JPH1: variants seen among roughly 807,000 people sequenced by gnomAD.
The protein encoded by JPH1 is junctophilin-1.
JPH1 carries 12 observed loss-of-function variants against 53.6 expected under a neutral mutation model. That is an observed-to-expected ratio of 0.22 (90% CI 0.14 to 0.36). JPH1 has a LOEUF of 0.36. Ranked by LOEUF, JPH1 falls within the 10% of genes least tolerant of loss-of-function variation. The pLI is 1.00. For synonymous variants in JPH1, 375 were observed against 363.8 expected (o/e 1.03, Z -0.35); for missense variants, 808 against 905.5 (o/e 0.89, Z 1.38).
intron 2 of JPH1, among the ~76,000 whole-genome samples, chr8:74,304,305 G>A (rs1317797804): frequency 6.6e-6 from 1 of 152,200 alleles, no homozygotes; most frequent in East Asian, 1.9e-4. Context: ...AAGAACTGAA[G>A]CTTATAAAAT....
In JPH1 at chr8:74,294,176, CTAGGGCCTGGGGACTTCTCTG is replaced by C. The variant is rs1181355045; in HGVS notation, c.1139+20664_1139+20684del. On this transcript the variant is annotated intron_variant, in intron 2 of 5. Transcript: ENST00000342232. The stretch of plus-strand genomic sequence containing the variant: ...GCAATTATGTGAATGTGCTCTACAG[CTAGGGCCTGGGGACTTCTCTG>C]TAGCCTGATTTCTTCTCATTGAAGA... Among the ~76,000 whole-genome samples the C allele has an allele frequency of 3.3e-5, 5 of 152,322 alleles. No homozygotes were observed. In the East Asian group the frequency reaches 7.7e-4, roughly 23 times the overall value.
intron 2 of JPH1, among the ~76,000 whole-genome samples, chr8:74,291,035 A>C (rs1472017738): frequency 3.9e-5 from 6 of 152,228 alleles, no homozygotes; most frequent in Admixed American, 3.3e-4. Context: ...ACCCTAGAAG[A>C]AAACCTAGGC....
chr8:74,297,548 T>C (rs1177406543), intron 2 of JPH1, among the ~76,000 whole-genome samples: 1 of 151,876 alleles, frequency 6.6e-6, no homozygotes, highest in African/African-American at 2.4e-5. Flanking sequence ...GCAGTTAAAA[T>C]GCCTAGTAAT....
Position 74,311,071 on chromosome 8 carries a change from G to A in JPH1, c.1139+3790C>T, listed in dbSNP as rs747498645. On this transcript the variant is annotated intron_variant, in intron 2 of 5. Transcript: ENST00000342232. ...CTCCTGAGTAGCTGGGACTACAGGC[G>A]TATGCCACCACACCCGGCTAATTTT... is the stretch of plus-strand genomic sequence containing the variant. Among the ~76,000 whole-genome samples, 7 of 152,152 alleles carry A rather than the reference G, an allele frequency of 4.6e-5. No individual in the cohort carries two copies. In the East Asian group the frequency reaches 5.8e-4, roughly 13 times the overall value.
chr8:74,302,755 C>G (rs1407155016), intron 2 of JPH1, among the ~76,000 whole-genome samples: 1 of 152,126 alleles, frequency 6.6e-6, no homozygotes. Context: ...CCTCATAGCA[C>G]CTGCCAGTTG....
chr8:74,261,779 A>G (rs1453624529), intron 2 of JPH1, among the ~76,000 whole-genome samples: 2 of 152,258 alleles, frequency 1.3e-5, no homozygotes, highest in Admixed American at 1.3e-4. Flanking sequence ...TAATGAAGCC[A>G]TAAGAGTATA....
chr8:74,321,435 A>ACGCCGCCCCCGTCCTCCCTCCTCTTTTGC lies in JPH1; in HGVS notation c.-177_-149dup. ...CGCGCTGCCGCTCGGCTCCAGTCCG[A>ACGCCGCCCCCGTCCTCCCTCCTCTTTTGC]CGCCGCCCCCGTCCTCCCTCCTCTT... On this transcript the variant is annotated 5_prime_UTR_variant, in exon 1 of 6. Transcript: ENST00000342232. This position sits in a 1 kb window ranked among gnomAD's most constrained non-coding sequence, Gnocchi z 4.3. 1.4e-6 allele frequency: 1 copy of ACGCCGCCCCCGTCCTCCCTCCTCTTTTGC among 692,398 alleles called. No individual in the cohort carries two copies. Among genetic ancestry groups the ACGCCGCCCCCGTCCTCCCTCCTCTTTTGC allele is most frequent in the Non-Finnish European group, 2.1e-6 (1 of 473,872 alleles). 42.9% of individuals were successfully genotyped at this position (692,398 alleles called of 1,614,324 possible). A position where few individuals can be genotyped will look rare whatever the true frequency, so the allele number is the denominator to read the frequency against.
intron 1 of JPH1, among the ~76,000 whole-genome samples, chr8:74,319,448 G>A (rs1316879817): frequency 2.0e-5 from 3 of 152,140 alleles, no homozygotes; most frequent in Non-Finnish European, 2.9e-5. Flanking sequence ...TGCCCATTCA[G>A]AACATTTAAG....
Position 74,244,826 on chromosome 8 carries a change from G to A in JPH1, c.1608C>T (p.His536=). The A allele has an allele frequency of 1.2e-6, 2 of 1,614,190 alleles. No individual in the cohort carries two copies. The highest frequency in any genetic ancestry group is 1.7e-6 in the Non-Finnish European group (2 of 1,180,026). Residue 536 remains histidine (H), a synonymous_variant, in exon 4 of 6, where the codon CAC becomes CAT. Coordinates refer to ENST00000342232, the MANE Select transcript of JPH1 (RefSeq NM_020647.4). ...CCCCGTTACTGGGGTTGGGGATGTG[G>A]TGGCGGCCAGAGTACTTGGACTGGG... ...VVPQSKYSGR[H]HIPNPSNGEL...
chr8:74,290,847 C>T (rs968411365), intron 2 of JPH1, among the ~76,000 whole-genome samples: 3 of 152,192 alleles, frequency 2.0e-5, no homozygotes, highest in African/African-American at 7.2e-5. Flanking sequence ...ACCATCTGAT[C>T]TTTGACAAAC....
chr8:74,271,459 C>A (rs193239300), intron 2 of JPH1, among the ~76,000 whole-genome samples: 9 of 152,292 alleles, frequency 5.9e-5, no homozygotes, highest in African/African-American at 2.2e-4. Context: ...TTCTTCCTGC[C>A]TTTTCAATAC....
intron 2 of JPH1, among the ~76,000 whole-genome samples, chr8:74,291,202 G>A (rs550204924): frequency 2.0e-5 from 3 of 152,312 alleles, no homozygotes; most frequent in East Asian, 1.9e-4. Flanking sequence ...GCAACCTACA[G>A]AATGGGAGAA....
chr8:74,237,047 A>T lies in JPH1; in HGVS notation c.*16-12T>A. 1 of 596,966 alleles carries T rather than the reference A, an allele frequency of 1.7e-6. No individual in the cohort carries two copies. Among genetic ancestry groups the T allele is most frequent in the Non-Finnish European group, 3.0e-6 (1 of 333,416 alleles). The allele number at this position is 596,966 out of a possible 1,614,324, so 37.0% of individuals were successfully genotyped here. On this transcript the variant is annotated splice_polypyrimidine_tract_variant and intron_variant, in intron 5 of 5. Coordinates refer to ENST00000342232, the MANE Select transcript of JPH1 (RefSeq NM_020647.4). Reference sequence around the variant, plus strand: ...TTGTCAGGACTTCACTGAAGGGTCAAAACAGTTATAGCAATTAAGTAACTA... The same window carrying T: ...TTGTCAGGACTTCACTGAAGGGTCATAACAGTTATAGCAATTAAGTAACTA...
At chr8:74,253,838 A>G (rs1375803847) in intron 3 of JPH1, among the ~76,000 whole-genome samples, 2 of 152,110 alleles carry the variant, frequency 1.3e-5, no homozygotes, top group Non-Finnish European at 2.9e-5. Flanking sequence ...CCAAGACTAA[A>G]CCAGGAAGAA....
chr8:74,296,462 T>C (rs892504492), intron 2 of JPH1, among the ~76,000 whole-genome samples: 2 of 152,216 alleles, frequency 1.3e-5, no homozygotes, highest in African/African-American at 4.8e-5. Flanking sequence ...TAAAGTTCAC[T>C]AGTTCAGTAT....
intron 2 of JPH1, among the ~76,000 whole-genome samples, chr8:74,268,738 G>A (rs2131403663): frequency 6.6e-6 from 1 of 152,238 alleles, no homozygotes; most frequent in Middle Eastern, 3.4e-3. Flanking sequence ...TATGCTTCTT[G>A]TCCTTTACCA....
chr8:74,306,297 T>C (rs6997183), intron 2 of JPH1, among the ~76,000 whole-genome samples: 33,299 of 152,000 alleles, frequency 0.22, 3,794 homozygotes, highest in South Asian at 0.32. Context: ...GTTCCCTCAG[T>C]GCATGCACAC....
chr8:74,300,428 GCCCACGCTTTTTCCT>G (rs1807644208), intron 2 of JPH1, among the ~76,000 whole-genome samples: 1 of 152,140 alleles, frequency 6.6e-6, no homozygotes, highest in Non-Finnish European at 1.5e-5. Flanking sequence ...AGGGGGTCAG[GCCCACGCTTTTTCCT>G]CCATTCACAT....
At chr8:74,314,058 C>T (rs1302742497) in intron 2 of JPH1, among the ~76,000 whole-genome samples, 1 of 152,148 alleles carries the variant, frequency 6.6e-6, no homozygotes, top group East Asian at 1.9e-4. Flanking sequence ...TATTATTCAC[C>T]GGTTTTCTCC....
Sources: allele counts gnomAD v4.1 joint callset (sites outside exome capture counted in the v4.1 genomes callset), GRCh38; gene constraint gnomAD v4.1.1; non-coding constraint Gnocchi (gnomAD v3.1); transcripts MANE v1.5; gene names NCBI Gene and HGNC (gene_info 2026-07-23, HGNC 2026-07-21).